CCNY: variants seen among roughly 807,000 people sequenced by gnomAD.
The protein encoded by CCNY is cyclin Y, also known as cyclin-Y.
CCNY carries 19 observed loss-of-function variants against 42.8 expected under a neutral mutation model. That is an observed-to-expected ratio of 0.44 (90% CI 0.31 to 0.65). The LOEUF is 0.65. Among genes scored for constraint, CCNY ranks in the 30% least tolerant of loss-of-function variants. The pLI, the probability that CCNY is intolerant of heterozygous loss-of-function variation, is 0.07. For synonymous variants in CCNY, 165 were observed against 162.7 expected (o/e 1.01, Z -0.11); for missense variants, 370 against 437.3 (o/e 0.85, Z 1.37).
At chr10:35,432,688 A>G (rs1413350931) in intron 1 of CCNY, among the ~76,000 whole-genome samples, 1 of 152,244 alleles carries the variant, frequency 6.6e-6, no homozygotes, top group Non-Finnish European at 1.5e-5. Context: ...TTTCCTTAAT[A>G]TGAAAACAAA....
chr10:35,325,271 TA>T (rs1835865935), intron 3 of CCNY, among the ~76,000 whole-genome samples: 1 of 151,878 alleles, frequency 6.6e-6, no homozygotes, highest in African/African-American at 2.4e-5. Context: ...CTCTGCCTCC[TA>T]GGTTCAAGCA....
chr10:35,435,211 G>C (rs1297653676), intron 1 of CCNY, among the ~76,000 whole-genome samples: 4 of 152,232 alleles, frequency 2.6e-5, no homozygotes, highest in Admixed American at 2.6e-4. Flanking sequence ...GGAAGCTCCA[G>C]GTCCCTATCT....
In CCNY at chr10:35,431,905, A is replaced by G. The variant is rs565066098; in HGVS notation, c.155-51499A>G. ...CCTCCTATTGTGATCCTCTGTTTTT[A>G]CATCTGTAAAATAAAGACATCATGG... On this transcript the variant is annotated intron_variant, in intron 1 of 9. Coordinates refer to ENST00000374704, the MANE Select transcript of CCNY (RefSeq NM_145012.6). Among the ~76,000 whole-genome samples, 3 of 152,206 alleles carry G rather than the reference A, an allele frequency of 2.0e-5. No homozygotes were observed. In the South Asian group the frequency reaches 6.2e-4, roughly 32 times the overall value.
intron 7 of CCNY, among the ~76,000 whole-genome samples, chr10:35,543,223 A>AATAAT: frequency 6.6e-6 from 1 of 152,294 alleles, no homozygotes; most frequent in East Asian, 1.9e-4. Flanking sequence ...CACTAAAAGG[A>AATAAT]CTCACAGGAC....
At chr10:35,551,025 T>G (rs1040694257) in intron 7 of CCNY, among the ~76,000 whole-genome samples, 47 of 152,190 alleles carry the variant, frequency 3.1e-4, no homozygotes, top group African/African-American at 1.1e-3. Flanking sequence ...GAGTCAGGCC[T>G]GTGATCTTTT....
chr10:35,408,780 T>C (rs2135242944), intron 1 of CCNY, among the ~76,000 whole-genome samples: 1 of 152,174 alleles, frequency 6.6e-6, no homozygotes, highest in Admixed American at 6.5e-5. Context: ...GGGAAAGTTA[T>C]CAGAAGAGAA....
chr10:35,416,339 C>T (rs1838025511), intron 1 of CCNY, among the ~76,000 whole-genome samples: 1 of 152,116 alleles, frequency 6.6e-6, no homozygotes, highest in South Asian at 2.1e-4. Context: ...TGGCTCATGC[C>T]TGTAATCTCA....
At position 35,261,724 on chromosome 10, in the gene CCNY, A is replaced by G. The variant is rs571052316; in HGVS notation, c.-9+11098A>G. Among the ~76,000 whole-genome samples the G allele has an allele frequency of 1.9e-3, 282 of 152,214 alleles. 4 individuals are homozygous for G. The highest frequency in any genetic ancestry group is 3.4e-3 in the Middle Eastern group (1 of 292). ...AATCTCTAAAAAAATTTAACGGAAT[A>G]TAGATAACTGAATAGGCCAGGCACA... On this transcript the variant is annotated intron_variant, in intron 3 of 11. Coordinates refer to the CCNY transcript ENST00000374706.
At chr10:35,422,391 A>C (rs1838178653) in intron 1 of CCNY, among the ~76,000 whole-genome samples, 1 of 152,220 alleles carries the variant, frequency 6.6e-6, no homozygotes, top group African/African-American at 2.4e-5. Context: ...TCCTGGCTGC[A>C]GTGCATGACT....
chr10:35,255,918 T>C (rs2095715149), intron 3 of CCNY, among the ~76,000 whole-genome samples: 1 of 152,232 alleles, frequency 6.6e-6, no homozygotes, highest in Non-Finnish European at 1.5e-5. Context: ...ATCTTCTTGC[T>C]GTACTGAACC....
chr10:35,398,341 G>C (rs530786159), intron 1 of CCNY, among the ~76,000 whole-genome samples: 2 of 152,256 alleles, frequency 1.3e-5, no homozygotes, highest in Non-Finnish European at 2.9e-5. Flanking sequence ...TGGTGGACAT[G>C]ATATAGATAC....
At chr10:35,303,196 T>C (rs536948866) in intron 3 of CCNY, among the ~76,000 whole-genome samples, 1 of 152,002 alleles carries the variant, frequency 6.6e-6, no homozygotes, top group South Asian at 2.1e-4. Context: ...TTCTTTTTTT[T>C]TGAGACTGAG....
At chr10:35,518,428 T>C (rs1197968882) in intron 4 of CCNY, among the ~76,000 whole-genome samples, 1 of 151,902 alleles carries the variant, frequency 6.6e-6, no homozygotes, top group Non-Finnish European at 1.5e-5. Context: ...GGCTGAGGTA[T>C]ACTGTGGGTA....
At chr10:35,508,302 A>G (rs1328379397) in intron 3 of CCNY, among the ~76,000 whole-genome samples, 5 of 151,972 alleles carry the variant, frequency 3.3e-5, no homozygotes, top group Admixed American at 2.0e-4. Context: ...TTCTAATGAT[A>G]CCTAGTTCAT....
At chr10:35,416,479 A>G (rs1838028689) in intron 1 of CCNY, among the ~76,000 whole-genome samples, 1 of 152,104 alleles carries the variant, frequency 6.6e-6, no homozygotes, top group South Asian at 2.1e-4. Context: ...TTGGGGAGAA[A>G]TTAGAATCTA....
intron 8 of CCNY, among the ~76,000 whole-genome samples, chr10:35,563,280 G>A (rs1307060125): frequency 6.6e-6 from 1 of 152,172 alleles, no homozygotes; most frequent in Non-Finnish European, 1.5e-5. Flanking sequence ...CAAGCTTGGA[G>A]AAGGTTGTTC....
intron 1 of CCNY, among the ~76,000 whole-genome samples, chr10:35,374,913 C>T (rs1837016845): frequency 6.6e-6 from 1 of 152,094 alleles, no homozygotes; most frequent in South Asian, 2.1e-4. Context: ...TATGCAGCTT[C>T]TCGGATGCTT....
chr10:35,478,314 A>G (rs1345260336), intron 1 of CCNY, among the ~76,000 whole-genome samples: 7 of 151,964 alleles, frequency 4.6e-5, no homozygotes, highest in Middle Eastern at 3.2e-3. Context: ...GAACCAAAAA[A>G]GAGCGCGCAT....
chr10:35,470,198 G>A (rs1468480488), intron 1 of CCNY, among the ~76,000 whole-genome samples: 5 of 150,742 alleles, frequency 3.3e-5, no homozygotes, highest in Non-Finnish European at 7.4e-5. Flanking sequence ...CAGAGATAGG[G>A]CAATGGAGAG....
Sources: gnomAD v4.1 joint callset for allele counts (sites outside exome capture counted in the v4.1 genomes callset) on GRCh38, gnomAD v4.1.1 for gene constraint, MANE v1.5 for transcripts, NCBI Gene and HGNC (gene_info 2026-07-23, HGNC 2026-07-21) for gene names.